Variants in DPYD observed in about 807,000 individuals in gnomAD.
DPYD encodes dihydropyrimidine dehydrogenase [NADP(+)].
DPYD carries 109 observed loss-of-function variants against 116.2 expected under a neutral mutation model. The observed-to-expected ratio is 0.94, with a 90% CI of 0.80 to 1.10. The LOEUF is 1.10. Among genes scored for constraint, DPYD ranks in the 50% least tolerant of loss-of-function variants. The pLI is 0.00. For missense variants in DPYD, 1,302 were observed against 1,254.5 expected (o/e 1.04, Z -0.57); for synonymous variants, 440 against 432.0 (o/e 1.02, Z -0.23).
chr1:97,712,634 C>A (rs1662355570), intron 5 of DPYD, among the ~76,000 whole-genome samples: 1 of 151,974 alleles, frequency 6.6e-6, no homozygotes, highest in African/African-American at 2.4e-5. Flanking sequence ...GGGGCACTCC[C>A]CCTATGGCTT....
chr1:97,483,849 T>C (rs1302040363), intron 13 of DPYD, among the ~76,000 whole-genome samples: 1 of 150,386 alleles, frequency 6.6e-6, no homozygotes, highest in East Asian at 2.0e-4. Flanking sequence ...CGGATGGTGA[T>C]TCCTTGATTT....
chr1:97,673,921 A>G (rs989924963), intron 8 of DPYD, among the ~76,000 whole-genome samples: 2 of 152,216 alleles, frequency 1.3e-5, no homozygotes, highest in Non-Finnish European at 2.9e-5. Context: ...GTAAAACTAA[A>G]AACAGTTCAG....
At chr1:97,080,574 T>C (rs1037533257) in intron 22 of DPYD, among the ~76,000 whole-genome samples, 1 of 152,170 alleles carries the variant, frequency 6.6e-6, no homozygotes. Flanking sequence ...TGAGAATATC[T>C]GTCCACACAA....
intron 3 of DPYD, among the ~76,000 whole-genome samples, chr1:97,766,618 A>C (rs1557944968): frequency 6.6e-6 from 1 of 152,176 alleles, no homozygotes; most frequent in Non-Finnish European, 1.5e-5. Flanking sequence ...CAACAGGGGA[A>C]AGGAAAGGGG....
chr1:97,676,101 C>T (rs1393991882), intron 8 of DPYD, among the ~76,000 whole-genome samples: 4 of 152,108 alleles, frequency 2.6e-5, no homozygotes, highest in Non-Finnish European at 5.9e-5. Context: ...GCACCAGGTA[C>T]TAAGAGTGTT....
intron 19 of DPYD, among the ~76,000 whole-genome samples, chr1:97,220,183 G>T (rs1660689863): frequency 6.6e-6 from 1 of 152,028 alleles, no homozygotes; most frequent in Admixed American, 6.6e-5. Flanking sequence ...CTTATGAATG[G>T]ATTATTCCAT....
At chr1:97,879,443 A>G (rs1672078786) in intron 2 of DPYD, among the ~76,000 whole-genome samples, 1 of 151,898 alleles carries the variant, frequency 6.6e-6, no homozygotes, top group Non-Finnish European at 1.5e-5. Context: ...GTCTTCAAAA[A>G]TTGCTCAGGA....
chr1:97,286,391 A>C (rs1665685201), intron 18 of DPYD, among the ~76,000 whole-genome samples: 1 of 152,128 alleles, frequency 6.6e-6, no homozygotes, highest in Admixed American at 6.5e-5. Context: ...TCTGACGATT[A>C]TGTGTCTTGG....
At chr1:97,743,345 A>G (rs1340248419) in intron 3 of DPYD, among the ~76,000 whole-genome samples, 2 of 152,154 alleles carry the variant, frequency 1.3e-5, no homozygotes, top group South Asian at 4.1e-4. Context: ...ACTAAAGTGC[A>G]TCAGGCTGCC....
chr1:97,216,705 G>T (rs1038593181), intron 19 of DPYD, among the ~76,000 whole-genome samples: 2 of 152,284 alleles, frequency 1.3e-5, no homozygotes, highest in African/African-American at 4.8e-5. Context: ...TGAGGCAGGA[G>T]AATTGTTTGA....
intron 13 of DPYD, among the ~76,000 whole-genome samples, chr1:97,472,380 C>T (rs1677713975): frequency 6.6e-6 from 1 of 152,208 alleles, no homozygotes; most frequent in African/African-American, 2.4e-5. Flanking sequence ...CTCCCCTATG[C>T]ACATCACTTT....
At chr1:97,402,936 C>A (rs1010622427) in intron 14 of DPYD, among the ~76,000 whole-genome samples, 2 of 152,062 alleles carry the variant, frequency 1.3e-5, no homozygotes, top group East Asian at 3.9e-4. Context: ...AATGTTGAAC[C>A]AGCCTTGAAT....
chr1:97,900,023 G>A (rs545521473), intron 1 of DPYD, among the ~76,000 whole-genome samples: 10 of 152,032 alleles, frequency 6.6e-5, no homozygotes, highest in Non-Finnish European at 1.3e-4. Context: ...ATAGTTCTCA[G>A]CTACAGACTA....
chr1:97,775,679 C>A (rs1666359131), intron 3 of DPYD, among the ~76,000 whole-genome samples: 1 of 152,070 alleles, frequency 6.6e-6, no homozygotes, highest in South Asian at 2.1e-4. Flanking sequence ...ATTCTTGTGT[C>A]CTAATGTTTA....
intron 19 of DPYD, among the ~76,000 whole-genome samples, chr1:97,220,701 G>GT (rs1296129794): frequency 6.6e-6 from 1 of 152,086 alleles, no homozygotes; most frequent in Admixed American, 6.6e-5. Context: ...AAGCTATACT[G>GT]TTTATCTTAC....
chr1:97,893,015 A>C (rs1251055515), intron 1 of DPYD, among the ~76,000 whole-genome samples: 1 of 151,826 alleles, frequency 6.6e-6, no homozygotes, highest in Admixed American at 6.6e-5. Flanking sequence ...GTGATGATTA[A>C]ATAAGATAAT....
intron 2 of DPYD, among the ~76,000 whole-genome samples, chr1:97,838,764 G>A (rs1033706757): frequency 6.6e-6 from 1 of 152,138 alleles, no homozygotes; most frequent in Admixed American, 6.5e-5. Flanking sequence ...AGAATGGCGT[G>A]AACCCGGGAG....
chr1:97,914,739 C>A (rs985322763), intron 1 of DPYD, among the ~76,000 whole-genome samples: 1 of 152,064 alleles, frequency 6.6e-6, no homozygotes, highest in Non-Finnish European at 1.5e-5. Context: ...TATTTTTAGA[C>A]AGAAATGAAA....
chr1:97,693,705 A>G (rs1661152306), intron 6 of DPYD, among the ~76,000 whole-genome samples: 1 of 152,212 alleles, frequency 6.6e-6, no homozygotes, highest in Non-Finnish European at 1.5e-5. Flanking sequence ...GCAATGGACT[A>G]TGAACAAAGA....
Sources: gnomAD v4.1 joint callset for allele counts (sites outside exome capture counted in the v4.1 genomes callset) on GRCh38, gnomAD v4.1.1 for gene constraint, MANE v1.5 for transcripts, NCBI Gene and HGNC (gene_info 2026-07-23, HGNC 2026-07-21) for gene names.